RBFOX1: variants seen among roughly 807,000 people sequenced by gnomAD.
RBFOX1 encodes RNA binding fox-1 homolog 1.
RBFOX1 carries 8 observed loss-of-function variants against 57.7 expected under a neutral mutation model. The observed-to-expected ratio is 0.14, with a 90% CI of 0.08 to 0.25. RBFOX1 has a LOEUF of 0.25. RBFOX1 is among the 10% of genes least tolerant of loss of function. RBFOX1 has a pLI of 1.00. For synonymous variants in RBFOX1, 326 were observed against 222.4 expected (o/e 1.47, Z -4.15); for missense variants, 611 against 548.5 (o/e 1.11, Z -1.14).
At chr16:5,308,681 C>CT (rs982857542) in intron 1 of RBFOX1, among the ~76,000 whole-genome samples, 10 of 151,048 alleles carry the variant, frequency 6.6e-5, no homozygotes, top group African/African-American at 1.7e-4. Context: ...GTAAGATGAC[C>CT]TTTTTTTTTC....
At chr16:7,011,370 C>CA (rs1250741566) in intron 3 of RBFOX1, among the ~76,000 whole-genome samples, 4 of 152,152 alleles carry the variant, frequency 2.6e-5, no homozygotes. Context: ...TTAAAGAGTG[C>CA]AAGTGTGGCA....
chr16:5,426,856 G>C (rs532699), intron 1 of RBFOX1, among the ~76,000 whole-genome samples: 76,240 of 151,964 alleles, frequency 0.5, 19,465 homozygotes, highest in East Asian at 0.66. Flanking sequence ...GTTAAACAAC[G>C]CAGTGATGCA....
chr16:7,641,018 A>G (rs972984764), intron 11 of RBFOX1, among the ~76,000 whole-genome samples: 8 of 152,084 alleles, frequency 5.3e-5, no homozygotes, highest in Admixed American at 1.3e-4. Context: ...AGTTTGATGC[A>G]ATGGAGCAGG....
intron 1 of RBFOX1, among the ~76,000 whole-genome samples, chr16:5,264,795 G>A (rs551010783): frequency 6.6e-6 from 1 of 152,036 alleles, no homozygotes; most frequent in Admixed American, 6.6e-5. Flanking sequence ...TTCTCCCTCT[G>A]TTCCCTGCTT....
intron 3 of RBFOX1, among the ~76,000 whole-genome samples, chr16:5,736,785 G>T (rs995293500): frequency 6.6e-6 from 1 of 150,838 alleles, no homozygotes; most frequent in Non-Finnish European, 1.5e-5. Flanking sequence ...ATCTGTTTAT[G>T]TGTCTGTGAA....
intron 11 of RBFOX1, among the ~76,000 whole-genome samples, chr16:7,645,911 C>T (rs190010056): frequency 4.0e-5 from 6 of 150,826 alleles, no homozygotes; most frequent in Admixed American, 1.3e-4. Flanking sequence ...TATCAGTGAC[C>T]GAAAGGATGG....
chr16:5,592,340 A>C (rs1471404178), intron 2 of RBFOX1, among the ~76,000 whole-genome samples: 1 of 151,840 alleles, frequency 6.6e-6, no homozygotes, highest in African/African-American at 2.4e-5. Flanking sequence ...GCAGAATTTT[A>C]AATCTTTTGT....
chr16:5,369,547 T>A lies in RBFOX1; in HGVS notation c.220-97669T>A, dbSNP rs151079815. On this transcript the variant is annotated intron_variant, in intron 1 of 2. Transcript: ENST00000585867. ...GGTACATGCTGCTATCCTCCCACTT[T>A]ACAGTGAAGAAGCAGGCATAGGAGA... Among the ~76,000 whole-genome samples, 792 of 152,340 alleles carry A rather than the reference T, an allele frequency of 5.2e-3. 7 individuals are homozygous for A. The highest frequency in any genetic ancestry group is 0.024 in the South Asian group (114 of 4,832).
chr16:7,404,022 C>CATTTCCTTTTATTTT (rs2098290574), intron 4 of RBFOX1, among the ~76,000 whole-genome samples: 1 of 67,658 alleles, frequency 1.5e-5, no homozygotes, highest in African/African-American at 4.6e-5. Context: ...ATCCTGATTT[C>CATTTCCTTTTATTTT]ATTTCCTTTT....
chr16:6,729,638 T>G, intron 3 of RBFOX1, among the ~76,000 whole-genome samples: 1 of 152,166 alleles, frequency 6.6e-6, no homozygotes, highest in East Asian at 1.9e-4. Flanking sequence ...AGAAAGTACC[T>G]CATTCTCTTC....
At chr16:6,745,816 T>C (rs2154186625) in intron 3 of RBFOX1, among the ~76,000 whole-genome samples, 1 of 152,314 alleles carries the variant, frequency 6.6e-6, no homozygotes, top group Non-Finnish European at 1.5e-5. Flanking sequence ...GTAAAAGGCA[T>C]CTGTTTAGAG....
intron 2 of RBFOX1, among the ~76,000 whole-genome samples, chr16:6,385,493 G>C (rs1385035253): frequency 6.6e-6 from 1 of 152,198 alleles, no homozygotes; most frequent in Non-Finnish European, 1.5e-5. Flanking sequence ...CCCAGTAGCT[G>C]GGATTACAGG....
chr16:7,555,801 T>C (rs146748562), intron 5 of RBFOX1, among the ~76,000 whole-genome samples: 71 of 152,292 alleles, frequency 4.7e-4, no homozygotes, highest in African/African-American at 1.6e-3. Context: ...AAGCCATCCA[T>C]TGAAAATGTC....
chr16:6,294,478 A>G (rs1414629914), intron 1 of RBFOX1, among the ~76,000 whole-genome samples: 1 of 152,218 alleles, frequency 6.6e-6, no homozygotes, highest in African/African-American at 2.4e-5. Context: ...TCTCACTTGC[A>G]GTTTGTGGTC....
intron 4 of RBFOX1, among the ~76,000 whole-genome samples, chr16:7,283,490 G>T (rs541322531): frequency 1.6e-4 from 24 of 151,960 alleles, no homozygotes; most frequent in Non-Finnish European, 3.2e-4. Context: ...TAAGAAAATC[G>T]TATGGGTGGA....
At chr16:6,240,501 G>A (rs2097534600) in intron 1 of RBFOX1, among the ~76,000 whole-genome samples, 2 of 151,884 alleles carry the variant, frequency 1.3e-5, no homozygotes, top group South Asian at 2.1e-4. Flanking sequence ...CCTCACTCAG[G>A]CATGAAGGTG....
intron 4 of RBFOX1, among the ~76,000 whole-genome samples, chr16:7,094,249 A>C (rs1471977541): frequency 2.0e-5 from 3 of 152,106 alleles, no homozygotes; most frequent in African/African-American, 7.2e-5. Context: ...GAGAAGAACA[A>C]ATTGAAAAAT....
intron 4 of RBFOX1, among the ~76,000 whole-genome samples, chr16:7,084,802 C>A (rs536197427): frequency 6.6e-6 from 1 of 152,102 alleles, no homozygotes; most frequent in Non-Finnish European, 1.5e-5. Context: ...TTCATATTCC[C>A]CCCTCTCTCA....
rs180913934 is a variant in RBFOX1 at position 6,476,772 on chromosome 16, G to C, written c.-64+159715G>C. Among the ~76,000 whole-genome samples the C allele has an allele frequency of 4.9e-4, 74 of 152,276 alleles. 2 individuals carry two copies. The highest frequency in any genetic ancestry group is 4.3e-3 in the South Asian group (21 of 4,830). On this transcript the variant is annotated intron_variant, in intron 2 of 15. Transcript: ENST00000550418. The stretch of plus-strand genomic sequence containing the variant: ...TCTTCCTTTCATGAAATACTTCTCT[G>C]CAGCACCTGATGCTGTTTGACAGCA...
Sources: gnomAD v4.1 joint callset for allele counts (sites outside exome capture counted in the v4.1 genomes callset) on GRCh38, gnomAD v4.1.1 for gene constraint, MANE v1.5 for transcripts, NCBI Gene and HGNC (gene_info 2026-07-23, HGNC 2026-07-21) for gene names.